SIRT5: variants seen among roughly 807,000 people sequenced by gnomAD.
SIRT5 encodes sirtuin 5, also known as NAD-dependent protein deacylase sirtuin-5, mitochondrial.
SIRT5 carries 26 observed loss-of-function variants against 40.0 expected under a neutral mutation model. That is an observed-to-expected ratio of 0.65 (90% CI 0.48 to 0.90). The LOEUF is 0.90. Among genes scored for constraint, SIRT5 ranks in the 40% least tolerant of loss-of-function variants. SIRT5 has a pLI of 0.00. For synonymous variants in SIRT5, 146 were observed against 149.1 expected (o/e 0.98, Z 0.15); for missense variants, 401 against 402.4 (o/e 1.00, Z 0.03).
chr6:13,583,368 C>T (rs1368868687), intron 2 of SIRT5, among the ~76,000 whole-genome samples: 1 of 140,626 alleles, frequency 7.1e-6, no homozygotes, highest in Non-Finnish European at 1.5e-5. Context: ...AATCTCGGCT[C>T]ACTGCAACCT....
rs560639951 is a variant in SIRT5, at chr6:13,598,735, A to G, written c.618-297A>G. On this transcript the variant is annotated intron_variant, in intron 7 of 9. Transcript: ENST00000606117. The stretch of plus-strand genomic sequence containing the variant: ...TCCCAGCTGCTCGGGAGGCTGAGGC[A>G]GAATTGCTTGAACCTGGGAGGCAGA... Among the ~76,000 whole-genome samples, 6 of 151,034 alleles carry G rather than the reference A, an allele frequency of 4.0e-5. 1 individual carries two copies. In the Middle Eastern group the frequency reaches 0.01, roughly 257 times the overall value.
intron 7 of SIRT5, among the ~76,000 whole-genome samples, chr6:13,598,422 T>C (rs1397236351): frequency 6.6e-6 from 1 of 152,088 alleles, no homozygotes; most frequent in African/African-American, 2.4e-5. Flanking sequence ...GAGTCCAGTA[T>C]GTCTCCCAGG....
At chr6:13,592,170 C>T (rs531902870) in intron 5 of SIRT5, among the ~76,000 whole-genome samples, 29 of 152,264 alleles carry the variant, frequency 1.9e-4, no homozygotes, top group South Asian at 1.2e-3. Context: ...CAACATTTGG[C>T]GTCCCCCAAG....
intron 1 of SIRT5, among the ~76,000 whole-genome samples, chr6:13,578,097 A>G (rs1758855748): frequency 6.6e-6 from 1 of 152,158 alleles, no homozygotes; most frequent in Admixed American, 6.5e-5. Flanking sequence ...TTAATATGGT[A>G]TATCTCATTT....
intron 2 of SIRT5, among the ~76,000 whole-genome samples, chr6:13,580,969 T>A (rs1759272568): frequency 1.3e-5 from 2 of 152,210 alleles, no homozygotes. Context: ...CCCTTTTTTT[T>A]CTTGTTGTGA....
chr6:13,575,117 G>A (rs1399292635), intron 1 of SIRT5, among the ~76,000 whole-genome samples: 2 of 152,280 alleles, frequency 1.3e-5, no homozygotes, highest in Non-Finnish European at 1.5e-5. Flanking sequence ...CCAGTGCTTC[G>A]GGGGGAGGCG....
chr6:13,589,939 G>A (rs1017310551), intron 4 of SIRT5, among the ~76,000 whole-genome samples: 1 of 152,118 alleles, frequency 6.6e-6, no homozygotes, highest in Non-Finnish European at 1.5e-5. Flanking sequence ...ATATTCCTGT[G>A]CCACCTATAA....
At chr6:13,585,739 A>C (rs918413770) in intron 3 of SIRT5, among the ~76,000 whole-genome samples, 31 of 152,144 alleles carry the variant, frequency 2.0e-4, no homozygotes, top group African/African-American at 7.5e-4. Flanking sequence ...ATGATTTATA[A>C]TCCTTTGGGT....
intron 5 of SIRT5, 91 bp downstream of exon 5, chr6:13,591,985 C>G (rs1239356901): frequency 1.7e-6 from 2 of 1,182,592 alleles, no homozygotes; most frequent in African/African-American, 1.5e-5. Context: ...TCCCTCCCTC[C>G]CTGCTGGACA....
rs1366259240 is a variant in SIRT5 at position 13,588,429 on chromosome 6, G to A, written c.214G>A (p.Gly72Arg). Reference sequence around the variant, plus strand: ...AGAAAGTGGTGTTCCGACCTTCAGAGGAGCTGGAGGTTATTGGAGAAAATG... The same window carrying A: ...AGAAAGTGGTGTTCCGACCTTCAGAAGAGCTGGAGGTTATTGGAGAAAATG... ...SAESGVPTFRGAGGYWRKWQA... is the reference protein window; with the variant it reads ...SAESGVPTFRRAGGYWRKWQA... Residue 72 changes from glycine (G) to arginine (R), a missense_variant, in exon 4 of 10, where the codon GGA (glycine) becomes AGA (arginine). Coordinates refer to ENST00000606117, the MANE Select transcript of SIRT5 (RefSeq NM_012241.5). 6.2e-7 allele frequency: 1 copy of A among 1,614,190 alleles called. No individual in the cohort carries two copies. The highest frequency in any genetic ancestry group is 1.7e-5 in the Admixed American group (1 of 60,028).
chr6:13,579,318 G>A (rs920963891), intron 1 of SIRT5, 133 bp from the exon 2 acceptor site: 1 of 152,066 alleles, frequency 6.6e-6, no homozygotes, highest in African/African-American at 2.4e-5. Flanking sequence ...GAACATTTAC[G>A]ATCTTGGGAA....
At chr6:13,577,545 T>G (rs926487687) in intron 1 of SIRT5, among the ~76,000 whole-genome samples, 3 of 151,342 alleles carry the variant, frequency 2.0e-5, no homozygotes, top group Non-Finnish European at 1.5e-5. Flanking sequence ...TTTGGTTGAG[T>G]CTTTAGTGTA....
intron 8 of SIRT5, among the ~76,000 whole-genome samples, chr6:13,599,516 A>T: frequency 6.6e-6 from 1 of 152,254 alleles, no homozygotes; most frequent in East Asian, 1.9e-4. Flanking sequence ...CACATTATAA[A>T]GAGGAAATTA....
Position 13,614,119 on chromosome 6 carries a change from C to G in SIRT5, c.*2254C>G, listed in dbSNP as rs578257680. 6.6e-6 allele frequency: 1 copy of G among 152,318 alleles called. No individual in the cohort carries two copies. The highest frequency in any genetic ancestry group is 2.4e-5 in the African/African-American group (1 of 41,570). The allele number at this position is 152,318 out of a possible 1,614,324, so 9.4% of individuals were successfully genotyped here. On this transcript the variant is annotated 3_prime_UTR_variant, in exon 10 of 10. Transcript: ENST00000606117. ...ATATGTGTAAGATAGAATTATTCAA[C>G]TTAGCATTTATTAAACATCTACCAG... is the stretch of plus-strand genomic sequence containing the variant.
intron 9 of SIRT5, among the ~76,000 whole-genome samples, chr6:13,602,759 C>CA (rs1255241000): frequency 6.6e-6 from 1 of 152,172 alleles, no homozygotes; most frequent in Non-Finnish European, 1.5e-5. Flanking sequence ...ACCCCTCTGT[C>CA]ACACCATTAC....
chr6:13,591,660 C>A lies in SIRT5; in HGVS notation c.250-9C>A. On this transcript the variant is annotated splice_polypyrimidine_tract_variant and intron_variant, in intron 4 of 9. Transcript: ENST00000606117. ...CCTCCCTCACTCCTGCCTCCTCTCC[C>A]ACTCCCAGGACCTGGCGACTCCCCT... The A allele has an allele frequency of 1.3e-6, 2 of 1,532,864 alleles. No individual in the cohort carries two copies. Among genetic ancestry groups the A allele is most frequent in the Non-Finnish European group, 1.8e-6 (2 of 1,132,440 alleles). The allele number at this position is 1,532,864 out of a possible 1,614,324, so 95.0% of individuals were successfully genotyped here.
In SIRT5 at chr6:13,593,345, C is replaced by T. The variant is rs547917071; in HGVS notation, c.475+1451C>T. On this transcript the variant is annotated intron_variant, in intron 5 of 9. Transcript: ENST00000606117. ...AAGGAAAGCGAGGCACTACTCATTT[C>T]GACTGTGTCTGTCTTTTGTTCATCA... Among the ~76,000 whole-genome samples the T allele has an allele frequency of 2.9e-4, 44 of 152,290 alleles. 1 individual carries two copies. In the South Asian group the frequency reaches 8.7e-3, roughly 30 times the overall value.
chr6:13,604,561 A>G (rs1004175534), intron 9 of SIRT5: 1 of 1,581,254 alleles, frequency 6.3e-7, no homozygotes, highest in African/African-American at 1.4e-5. Context: ...GCAGATAGAG[A>G]AAAAGAAGAA....
upstream of SIRT5, chr6:13,574,399 A>T (rs1473589118): frequency 6.6e-6 from 1 of 151,794 alleles, no homozygotes; most frequent in Non-Finnish European, 1.5e-5. Flanking sequence ...CTCTCGCGGG[A>T]CTGCGCGCAC....
Sources: gnomAD v4.1 joint callset for allele counts (sites outside exome capture counted in the v4.1 genomes callset) on GRCh38, gnomAD v4.1.1 for gene constraint, MANE v1.5 for transcripts, NCBI Gene and HGNC (gene_info 2026-07-23, HGNC 2026-07-21) for gene names.